Variants in PUDP observed in about 807,000 individuals in gnomAD.
PUDP encodes the protein pseudouridine-5'-phosphatase.
Under a neutral mutation model 9.4 loss-of-function variants are expected in PUDP, and 8 were observed. That is an observed-to-expected ratio of 0.85 (90% CI 0.50 to 1.53). The LOEUF (loss-of-function observed/expected upper bound fraction) is 1.53, where lower values mean the gene tolerates loss of function less well. Ranked by LOEUF, PUDP falls within the 40% of genes most tolerant of loss-of-function variation. The pLI, the probability that PUDP is intolerant of heterozygous loss-of-function variation, is 0.00. For synonymous variants in PUDP, 99 were observed against 80.7 expected (o/e 1.23, Z -1.22); for missense variants, 188 against 189.7 (o/e 0.99, Z 0.05).
intron 3 of PUDP, among the ~76,000 whole-genome samples, chrX:6,774,611 C>T (rs925062410): frequency 8.9e-6 from 1 of 111,764 alleles, no homozygotes; most frequent in Non-Finnish European, 1.9e-5. Context: ...GTCTCAGTTA[C>T]GAGGTCAAGG....
intron 3 of PUDP, among the ~76,000 whole-genome samples, chrX:6,965,947 A>G (rs1437740853): frequency 1.8e-5 from 2 of 111,509 alleles, no homozygotes; most frequent in African/African-American, 6.5e-5. Flanking sequence ...ACCTCAGAAC[A>G]TAAAACTACC....
chrX:7,089,743 G>T (rs981089723), intron 2 of PUDP, among the ~76,000 whole-genome samples: 30 of 111,962 alleles, frequency 2.7e-4, no homozygotes, highest in Non-Finnish European at 4.7e-4. Flanking sequence ...ACTGTTTACA[G>T]CTACTTGCTT....
At chrX:7,039,393 C>T (rs1007903058) in intron 1 of PUDP, among the ~76,000 whole-genome samples, 5 of 112,235 alleles carry the variant, frequency 4.5e-5, no homozygotes, top group Non-Finnish European at 9.4e-5. Context: ...CCCCAAAACT[C>T]TTATGTTGAA....
chrX:6,947,964 T>C (rs1016274430), intron 3 of PUDP, among the ~76,000 whole-genome samples: 4 of 111,544 alleles, frequency 3.6e-5, no homozygotes, highest in African/African-American at 1.3e-4. Flanking sequence ...CTAACCACAA[T>C]ATTGTCCTTT....
intron 2 of PUDP, among the ~76,000 whole-genome samples, chrX:7,093,908 C>T (rs1349115076): frequency 9.0e-6 from 1 of 110,915 alleles, no homozygotes; most frequent in African/African-American, 3.3e-5. Flanking sequence ...GAGTTTGAGA[C>T]CAGCCTGAAC....
chrX:7,088,116 A>AT (rs1233820937), intron 2 of PUDP, among the ~76,000 whole-genome samples: 1 of 112,155 alleles, frequency 8.9e-6, no homozygotes, highest in Non-Finnish European at 1.9e-5. Flanking sequence ...AAACAAAACT[A>AT]TTTTTTTCAG....
At chrX:6,764,785 G>A (rs897302733) in intron 3 of PUDP, among the ~76,000 whole-genome samples, 1 of 111,643 alleles carries the variant, frequency 9.0e-6, no homozygotes, top group African/African-American at 3.3e-5. Context: ...GTGGTAGGAG[G>A]TAAGAAATCC....
chrX:6,815,403 G>C (rs1926213372), intron 3 of PUDP, among the ~76,000 whole-genome samples: 1 of 112,151 alleles, frequency 8.9e-6, no homozygotes, highest in Non-Finnish European at 1.9e-5. Context: ...ATCCGTTATA[G>C]TCATTCAAAC....
chrX:6,877,186 T>C (rs1927277765), intron 3 of PUDP, among the ~76,000 whole-genome samples: 1 of 110,485 alleles, frequency 9.1e-6, no homozygotes, highest in African/African-American at 3.3e-5. Context: ...CTTGAACTCC[T>C]GGCCTCCAGT....
In PUDP at chrX:7,148,033, G is replaced by A. The variant is rs745448085; in HGVS notation, c.61+20C>T. On this transcript the variant is annotated intron_variant, in intron 1 of 3. Coordinates refer to ENST00000381077, the MANE Select transcript of PUDP (RefSeq NM_012080.5). Reference sequence around the variant, plus strand: ...ACACAAGACCGCCCTTACTGGAGGCGGCGGCTGCACACTACCCACCCAGAA... The same window carrying A: ...ACACAAGACCGCCCTTACTGGAGGCAGCGGCTGCACACTACCCACCCAGAA... 1.3e-5 allele frequency: 15 copies of A among 1,124,513 alleles called. No individual in the cohort carries two copies. Among genetic ancestry groups the A allele is most frequent in the East Asian group, 1.1e-4 (3 of 27,213 alleles). The allele number at this position is 1,124,513 out of a possible 1,213,427, so 92.7% of individuals were successfully genotyped here.
At chrX:6,822,557 G>C (rs1435231548) in intron 3 of PUDP, among the ~76,000 whole-genome samples, 1 of 112,017 alleles carries the variant, frequency 8.9e-6, no homozygotes, top group Non-Finnish European at 1.9e-5. Flanking sequence ...CTCCCGAGTA[G>C]CTGGGATTAC....
intron 1 of PUDP, among the ~76,000 whole-genome samples, chrX:6,999,305 T>C (rs1040577599): frequency 1.8e-5 from 2 of 111,747 alleles, no homozygotes; most frequent in African/African-American, 3.3e-5. Flanking sequence ...CGTAAGCACA[T>C]ATGAAACACT....
At chrX:6,919,047 G>A (rs1314871408) in intron 3 of PUDP, among the ~76,000 whole-genome samples, 2 of 111,807 alleles carry the variant, frequency 1.8e-5, no homozygotes, top group African/African-American at 6.5e-5. Context: ...GACCCCTAGT[G>A]AAAATCTACA....
intron 1 of PUDP, among the ~76,000 whole-genome samples, chrX:7,110,952 T>C (rs1932030068): frequency 8.9e-6 from 1 of 111,888 alleles, no homozygotes; most frequent in South Asian, 3.7e-4. Context: ...GATGTATACG[T>C]GCAGGTCACA....
At chrX:6,748,653 A>G (rs1276411624) in intron 3 of PUDP, among the ~76,000 whole-genome samples, 6 of 112,233 alleles carry the variant, frequency 5.3e-5, no homozygotes, top group Non-Finnish European at 1.1e-4. Context: ...ATCTTGACAC[A>G]TGCAGAGACC....
intron 3 of PUDP, among the ~76,000 whole-genome samples, chrX:7,070,364 G>A (rs766804916): frequency 9.0e-6 from 1 of 111,460 alleles, no homozygotes; most frequent in South Asian, 3.9e-4. Flanking sequence ...GACAGGAGGA[G>A]GTGGCCTTGA....
chrX:6,719,230 C>T (rs936602799), intron 1 of PUDP, among the ~76,000 whole-genome samples: 6 of 111,780 alleles, frequency 5.4e-5, no homozygotes, highest in South Asian at 3.7e-4. Flanking sequence ...GGCTTGTAGA[C>T]GCTGTCTTCT....
At chrX:7,072,834 A>C (rs1165435675) in intron 3 of PUDP, among the ~76,000 whole-genome samples, 1 of 109,278 alleles carries the variant, frequency 9.2e-6, no homozygotes, top group African/African-American at 3.3e-5. Context: ...AAAAAAAACA[A>C]AACTGATTTC....
intron 1 of PUDP, among the ~76,000 whole-genome samples, chrX:7,014,242 TA>T (rs1160956743): frequency 2.7e-5 from 3 of 110,266 alleles, no homozygotes; most frequent in African/African-American, 1.0e-4. Flanking sequence ...GGGTACAGGA[TA>T]GGGGGACATG....
Sources: allele counts gnomAD v4.1 joint callset (sites outside exome capture counted in the v4.1 genomes callset), GRCh38; gene constraint gnomAD v4.1.1; transcripts MANE v1.5; gene names NCBI Gene and HGNC (gene_info 2026-07-23, HGNC 2026-07-21).